BPNT2: variants seen among roughly 807,000 people sequenced by gnomAD.
BPNT2 encodes Golgi-resident adenosine 3',5'-bisphosphate 3'-phosphatase.
Under a neutral mutation model 29.3 loss-of-function variants are expected in BPNT2, and 11 were observed. The observed-to-expected ratio is 0.38, with a 90% CI of 0.24 to 0.62. BPNT2 has a LOEUF of 0.62. BPNT2 is among the 20% of genes least tolerant of loss of function. The pLI is 0.62. For synonymous variants in BPNT2, 195 were observed against 187.7 expected (o/e 1.04, Z -0.32); for missense variants, 459 against 473.4 (o/e 0.97, Z 0.28).
Position 56,978,163 on chromosome 8 carries a change from AAAC to A in BPNT2, c.551-21_551-19del, listed in dbSNP as rs765051333. The A allele has an allele frequency of 9.2e-6, 13 of 1,420,636 alleles. No individual in the cohort carries two copies. The highest frequency in any genetic ancestry group is 8.0e-5 in the South Asian group (7 of 87,196). The allele number at this position is 1,420,636 out of a possible 1,614,324, so 88.0% of individuals were successfully genotyped here. A position where few individuals can be genotyped will look rare whatever the true frequency, so the allele number is the denominator to read the frequency against. ...AAGATCCTCTATGAGAAAAAAAACA[AAAC>A]AACACACACAAATGTCAAAGTAATG... On this transcript the variant is annotated intron_variant, in intron 2 of 4. Transcript: ENST00000262644.
chr8:56,973,482 A>C (rs1328393398), intron 3 of BPNT2, among the ~76,000 whole-genome samples: 1 of 152,194 alleles, frequency 6.6e-6, no homozygotes, highest in Non-Finnish European at 1.5e-5. Flanking sequence ...CTGCTGGAAA[A>C]AACTGTCCAG....
intron 4 of BPNT2, 82 bp downstream of exon 4, chr8:56,966,109 T>A (rs1391871747): frequency 6.1e-6 from 9 of 1,480,246 alleles, no homozygotes; most frequent in Non-Finnish European, 4.7e-6. Flanking sequence ...CTCCCAAGCA[T>A]GGACAAGCAA....
intron 3 of BPNT2, chr8:56,967,300 C>T: frequency 2.2e-6 from 1 of 453,904 alleles, no homozygotes; most frequent in South Asian, 1.6e-5. Flanking sequence ...CTGGACTCTT[C>T]TCATACCTCC....
chr8:56,977,738 G>T (rs1331063415), intron 3 of BPNT2, among the ~76,000 whole-genome samples: 1 of 151,934 alleles, frequency 6.6e-6, no homozygotes, highest in Non-Finnish European at 1.5e-5. Flanking sequence ...GCCATATGAT[G>T]ATGGAGGCAG....
chr8:56,984,665 C>A (rs368876460), intron 1 of BPNT2, among the ~76,000 whole-genome samples: 13 of 152,286 alleles, frequency 8.5e-5, no homozygotes, highest in African/African-American at 3.1e-4. Context: ...CAGTAATGAA[C>A]AAAACAGACA....
chr8:56,978,273 C>T lies in BPNT2; in HGVS notation c.551-128G>A, dbSNP rs774326153. On this transcript the variant is annotated intron_variant, in intron 2 of 4. Transcript: ENST00000262644. ...GAAATATCTTTCCAAAACAACAATC[C>T]CTTCAAGCAAACAGAGTCTGAGGGC... The T allele has an allele frequency of 4.2e-6, 3 of 716,552 alleles. No individual in the cohort carries two copies. In the South Asian group the frequency reaches 4.4e-5, roughly 11 times the overall value. 44.4% of individuals were successfully genotyped at this position (716,552 alleles called of 1,614,324 possible).
intron 3 of BPNT2, among the ~76,000 whole-genome samples, chr8:56,977,741 G>A (rs1465976339): frequency 2.0e-5 from 3 of 151,626 alleles, no homozygotes; most frequent in Non-Finnish European, 4.4e-5. Flanking sequence ...ATATGATGAT[G>A]GAGGCAGACA....
At chr8:56,979,506 T>C (rs2129205343) in intron 2 of BPNT2, among the ~76,000 whole-genome samples, 1 of 152,322 alleles carries the variant, frequency 6.6e-6, no homozygotes, top group Admixed American at 6.5e-5. Flanking sequence ...TTGTTATGGT[T>C]CAAGTTCAGT....
In BPNT2 at chr8:56,963,978, A is replaced by C. The variant is rs759030684; in HGVS notation, c.895T>G (p.Trp299Gly). The C allele has an allele frequency of 6.2e-7, 1 of 1,613,440 alleles. No individual in the cohort carries two copies. ...LYIHVTYIKK[W>G]DICAGNAILK... is the part of the protein sequence containing the mutation. Reference sequence around the variant, plus strand: ...ATGGCATTACCAGCACATATATCCCACTTTTTGATGTATGTCACATGGATG... The same window carrying C: ...ATGGCATTACCAGCACATATATCCCCCTTTTTGATGTATGTCACATGGATG... Residue 299 changes from tryptophan to glycine, a missense_variant, in exon 5 of 5, where the codon TGG (tryptophan) becomes GGG (glycine). Transcript: ENST00000262644.
chr8:56,980,429 A>G (rs141940550), intron 1 of BPNT2, among the ~76,000 whole-genome samples: 1 of 152,316 alleles, frequency 6.6e-6, no homozygotes, highest in African/African-American at 2.4e-5. Context: ...TTTGTTGACT[A>G]ATCAAGACAG....
intron 2 of BPNT2, among the ~76,000 whole-genome samples, chr8:56,978,818 T>C (rs1806190642): frequency 6.6e-6 from 1 of 152,164 alleles, no homozygotes; most frequent in African/African-American, 2.4e-5. Context: ...CCACATGTTC[T>C]CTAAGTGGGG....
At chr8:56,977,664 C>T (rs558643736) in intron 3 of BPNT2, among the ~76,000 whole-genome samples, 66 of 152,108 alleles carry the variant, frequency 4.3e-4, no homozygotes, top group African/African-American at 1.5e-3. Context: ...GTAGGGTGGG[C>T]GCTGAATCCA....
At chr8:56,991,777 C>G (rs1438304313) in intron 1 of BPNT2, among the ~76,000 whole-genome samples, 1 of 152,160 alleles carries the variant, frequency 6.6e-6, no homozygotes, top group Non-Finnish European at 1.5e-5. Flanking sequence ...ATAGCAACTT[C>G]TCTGAATCTC....
chr8:56,966,230 A>C lies in BPNT2; in HGVS notation c.769T>G (p.Phe257Val), dbSNP rs779684307. The C allele has an allele frequency of 6.2e-7, 1 of 1,614,186 alleles. No homozygotes were observed. ...GGGATAATTGTAGTCTGGTTTCCAA[A>C]AGTCTGAAGAGCGACCTGTTTGACC... is the stretch of plus-strand genomic sequence containing the variant. ...GMVKQVALQT[F>V]GNQTTIIPAG... is the part of the protein sequence containing the mutation. The change falls in exon 4 of 5, where the codon TTT becomes GTT. Residue 257 changes from phenylalanine (F) to valine (V), a missense_variant. Transcript: ENST00000262644.
chr8:56,970,547 T>C (rs1304053734), intron 3 of BPNT2, among the ~76,000 whole-genome samples: 2 of 152,196 alleles, frequency 1.3e-5, no homozygotes, highest in African/African-American at 4.8e-5. Context: ...CCAAAATAAA[T>C]GCTTGTTGGT....
chr8:56,982,279 C>T (rs1047555257), intron 1 of BPNT2, among the ~76,000 whole-genome samples: 37 of 152,162 alleles, frequency 2.4e-4, no homozygotes, highest in East Asian at 7.8e-4. Flanking sequence ...CCCACCACCA[C>T]ACCCAGCTAA....
Position 56,978,136 on chromosome 8 carries a change from C to A in BPNT2, c.560G>T (p.Arg187Leu). The part of the protein sequence containing the change: ...DATQEYTEDL[R>L]KYVTTMVCVA... ...ACACACCATAGTAGTGACGTACTTT[C>A]GAAGATCCTCTATGAGAAAAAAAAC... is the stretch of plus-strand genomic sequence containing the variant. The change falls in exon 3 of 5, where the codon CGA becomes CTA. Residue 187 changes from arginine to leucine, a missense_variant. Transcript: ENST00000262644. The A allele has an allele frequency of 6.2e-7, 1 of 1,604,966 alleles. No homozygotes were observed. The highest frequency in any genetic ancestry group is 8.5e-7 in the Non-Finnish European group (1 of 1,172,652).
At position 56,961,710 on chromosome 8, in the gene BPNT2, T is replaced by A. The variant is rs1233069703; in HGVS notation, c.*2083A>T. 1 of 152,164 alleles carries A rather than the reference T, an allele frequency of 6.6e-6. No homozygotes were observed. The highest frequency in any genetic ancestry group is 1.5e-5 in the Non-Finnish European group (1 of 68,102). The allele number at this position is 152,164 out of a possible 1,614,324, so 9.4% of individuals were successfully genotyped here. On this transcript the variant is annotated 3_prime_UTR_variant, in exon 5 of 5. Coordinates refer to ENST00000262644, the MANE Select transcript of BPNT2 (RefSeq NM_017813.5). The stretch of plus-strand genomic sequence containing the variant: ...AAAAAATTAGCTGGGTGTGGTGGTG[T>A]ATGCCTGTAATCCCAGCTACTTGGG...
At chr8:56,988,213 C>T (rs1806356120) in intron 1 of BPNT2, among the ~76,000 whole-genome samples, 1 of 152,162 alleles carries the variant, frequency 6.6e-6, no homozygotes, top group Non-Finnish European at 1.5e-5. Context: ...AGAACCTTCT[C>T]TTAGGAAACA....
Sources: allele counts gnomAD v4.1 joint callset (sites outside exome capture counted in the v4.1 genomes callset), GRCh38; gene constraint gnomAD v4.1.1; transcripts MANE v1.5; gene names NCBI Gene and HGNC (gene_info 2026-07-23, HGNC 2026-07-21).